RARB: variants seen among roughly 807,000 people sequenced by gnomAD.
The protein encoded by RARB is HBV-activated protein.
A neutral mutation model predicts 51.9 loss-of-function variants in RARB; 17 were observed. That is an observed-to-expected ratio of 0.33 (90% confidence interval 0.22 to 0.49). RARB has a LOEUF of 0.49. RARB is among the 20% of genes least tolerant of loss of function. The pLI is 0.99. For missense variants in RARB, 369 were observed against 550.8 expected, an observed-to-expected ratio of 0.67 and a Z score of 3.30; for synonymous variants, 215 against 195.4, an observed-to-expected ratio of 1.10 and a Z score of -0.84.
intron 1 of RARB, among the ~76,000 whole-genome samples, chr3:25,451,872 T>C (rs533092822): frequency 1.3e-5 from 2 of 152,356 alleles, no homozygotes; most frequent in East Asian, 3.9e-4. Flanking sequence ...TGCAGGAAAT[T>C]CGATCAGATA....
chr3:25,491,727 G>C (rs1696748670), intron 2 of RARB, among the ~76,000 whole-genome samples: 1 of 152,108 alleles, frequency 6.6e-6, no homozygotes, highest in African/African-American at 2.4e-5. Flanking sequence ...AATCGTTCGA[G>C]GCCAGGAGTT....
At chr3:24,995,679 G>A (rs1461031150) in intron 2 of RARB, among the ~76,000 whole-genome samples, 1 of 151,990 alleles carries the variant, frequency 6.6e-6, no homozygotes, top group Non-Finnish European at 1.5e-5. Flanking sequence ...TATCATGAAG[G>A]GATGTTGAAT....
At chr3:25,514,470 G>A (rs1326192229) in intron 3 of RARB, among the ~76,000 whole-genome samples, 1 of 151,422 alleles carries the variant, frequency 6.6e-6, no homozygotes, top group Non-Finnish European at 1.5e-5. Flanking sequence ...TGATTGTTCC[G>A]ACACTTCATT....
chr3:25,563,009 C>G (rs1222150257), intron 3 of RARB, among the ~76,000 whole-genome samples: 3 of 152,176 alleles, frequency 2.0e-5, no homozygotes, highest in African/African-American at 7.2e-5. Flanking sequence ...TTTTAAGAAG[C>G]TGAGCTAAGC....
At chr3:25,272,513 C>T (rs771997965) in intron 5 of RARB, among the ~76,000 whole-genome samples, 1 of 152,226 alleles carries the variant, frequency 6.6e-6, no homozygotes, top group African/African-American at 2.4e-5. Flanking sequence ...TCCTACATCA[C>T]TCAGGTATCC....
intron 2 of RARB, among the ~76,000 whole-genome samples, chr3:24,880,751 C>T (rs1049355248): frequency 6.6e-6 from 1 of 152,166 alleles, no homozygotes; most frequent in Non-Finnish European, 1.5e-5. Flanking sequence ...TCATACCAGA[C>T]ACTAAAGAGA....
intron 2 of RARB, among the ~76,000 whole-genome samples, chr3:25,057,537 G>C (rs967876134): frequency 6.6e-6 from 1 of 151,988 alleles, no homozygotes; most frequent in Non-Finnish European, 1.5e-5. Flanking sequence ...GACTGAACTT[G>C]CCAGCTAATT....
At chr3:25,318,588 T>C (rs1204170312) in intron 5 of RARB, among the ~76,000 whole-genome samples, 2 of 152,180 alleles carry the variant, frequency 1.3e-5, no homozygotes, top group East Asian at 3.8e-4. Flanking sequence ...GTCATTACAC[T>C]TGGAAATGTA....
chr3:25,214,828 T>A (rs1701782726), intron 5 of RARB, among the ~76,000 whole-genome samples: 1 of 152,212 alleles, frequency 6.6e-6, no homozygotes, highest in South Asian at 2.1e-4. Context: ...AGGCTAAGCC[T>A]TTTCCCCAGT....
At chr3:25,515,656 A>T (rs902229526) in intron 3 of RARB, among the ~76,000 whole-genome samples, 2 of 152,248 alleles carry the variant, frequency 1.3e-5, no homozygotes, top group African/African-American at 4.8e-5. Flanking sequence ...ACTTAGAACA[A>T]GAGACAAGAA....
intron 2 of RARB, among the ~76,000 whole-genome samples, chr3:25,483,213 T>C (rs1165503057): frequency 1.3e-5 from 2 of 152,218 alleles, no homozygotes; most frequent in African/African-American, 2.4e-5. Flanking sequence ...CGGGACACAA[T>C]TGTTTTAAGG....
At chr3:25,457,563 G>C (rs1308687635) in intron 1 of RARB, among the ~76,000 whole-genome samples, 3 of 152,196 alleles carry the variant, frequency 2.0e-5, no homozygotes, top group Admixed American at 2.0e-4. Flanking sequence ...CATAGGAAAA[G>C]ATCCAATCTT....
chr3:25,176,908 T>A (rs958103060), intron 5 of RARB, among the ~76,000 whole-genome samples: 26 of 152,166 alleles, frequency 1.7e-4, no homozygotes, highest in African/African-American at 5.8e-4. Context: ...GGCAATTGAA[T>A]AGATTCAACC....
intron 5 of RARB, among the ~76,000 whole-genome samples, chr3:25,593,178 T>TTTA (rs1553637351): frequency 0.012 from 1,882 of 152,052 alleles, 36 homozygotes; most frequent in African/African-American, 0.041. Context: ...TTTTTTTTTT[T>TTTA]ATCTCCAGCA....
intron 3 of RARB, among the ~76,000 whole-genome samples, chr3:25,108,223 G>A (rs1699542010): frequency 6.6e-6 from 1 of 152,076 alleles, no homozygotes; most frequent in Admixed American, 6.6e-5. Flanking sequence ...TAACATTTTG[G>A]ACGATGGTTG....
At chr3:25,259,047 A>G (rs546471568) in intron 5 of RARB, 2 of 985,346 alleles carry the variant, frequency 2.0e-6, no homozygotes, top group Admixed American at 6.2e-5. Context: ...GGCAGGAACC[A>G]GGAATGTGAA....
At chr3:25,415,288 A>G (rs1707672263) in intron 5 of RARB, among the ~76,000 whole-genome samples, 1 of 152,110 alleles carries the variant, frequency 6.6e-6, no homozygotes, top group African/African-American at 2.4e-5. Flanking sequence ...AAGATCACAA[A>G]ATTTTCTCCT....
chr3:25,096,588 G>A (rs527908857), intron 3 of RARB, among the ~76,000 whole-genome samples: 1 of 152,184 alleles, frequency 6.6e-6, no homozygotes, highest in Admixed American at 6.5e-5. Context: ...GACGTTTTCT[G>A]TTTCCCTCAG....
At chr3:25,374,248 G>C (rs76279422) in intron 5 of RARB, among the ~76,000 whole-genome samples, 5,287 of 152,070 alleles carry the variant, frequency 0.035, 118 homozygotes, top group Middle Eastern at 0.065. Flanking sequence ...TACCAGGAAA[G>C]AGCAAAAAAC....
Sources: gnomAD v4.1 joint callset for allele counts (sites outside exome capture counted in the v4.1 genomes callset) on GRCh38, gnomAD v4.1.1 for gene constraint, MANE v1.5 for transcripts, NCBI Gene and HGNC (gene_info 2026-07-23, HGNC 2026-07-21) for gene names.